RCOR3: variants seen among roughly 807,000 people sequenced by gnomAD.
RCOR3 encodes the protein REST corepressor 3.
A neutral mutation model predicts 64.1 loss-of-function variants in RCOR3; 13 were observed. The observed-to-expected ratio is 0.20, with a 90% CI of 0.13 to 0.32. RCOR3 has a LOEUF of 0.32. Among genes scored for constraint, RCOR3 ranks in the 10% least tolerant of loss-of-function variants. The probability of loss-of-function intolerance (pLI) is 1.00; values close to 1 mark genes in which losing one functional copy is unlikely to be tolerated. For synonymous variants in RCOR3, 215 were observed against 239.0 expected, an observed-to-expected ratio of 0.90 and a Z score of 0.93; for missense variants, 489 against 701.2, an observed-to-expected ratio of 0.70 and a Z score of 3.42.
In RCOR3 at chr1:211,289,266, G is replaced by A. The variant is rs1207482318; in HGVS notation, c.809G>A (p.Arg270His). The change falls in exon 8 of 12, where the codon CGT becomes CAT. Residue 270 changes from arginine (R) to histidine (H), a missense_variant. Around this residue, in one of 2 missense-constraint regions of RCOR3, gnomAD observed 402 missense variants for 617.0 expected, o/e 0.65. Transcript: ENST00000419091. Reference protein sequence around the residue: ...QSLQHRHHSQRSKCRPPKGMY... With the variant: ...QSLQHRHHSQHSKCRPPKGMY... ...TTACAACATCGCCATCATTCTCAGC[G>A]TTCTAAGTGCCGTCCACCTAAGGGC... 11 of 1,613,934 alleles carry A rather than the reference G, an allele frequency of 6.8e-6. No homozygotes were observed. The highest frequency in any genetic ancestry group is 4.5e-5 in the East Asian group (2 of 44,892).
chr1:211,263,270 CATT>C (rs1041789090), intron 2 of RCOR3, among the ~76,000 whole-genome samples: 2 of 151,822 alleles, frequency 1.3e-5, no homozygotes, highest in Non-Finnish European at 2.9e-5. Flanking sequence ...TCCAGTCTAT[CATT>C]GTTGGACATT....
At chr1:211,296,988 T>A (rs930780759) in intron 9 of RCOR3, among the ~76,000 whole-genome samples, 1 of 152,034 alleles carries the variant, frequency 6.6e-6, no homozygotes, top group Non-Finnish European at 1.5e-5. Flanking sequence ...TACTAGTAAG[T>A]GTGAAAAATA....
rs1182372991 is a variant in RCOR3 at position 211,279,414 on chromosome 1, C to T, written c.720+98C>T. ...TTAAGAAAAACTTTTTAATGTAATG[C>T]TTTATGAGATAGTAAATTTCAGTGT... On this transcript the variant is annotated intron_variant, in intron 7 of 11. Transcript: ENST00000419091. The T allele has an allele frequency of 5.1e-6, 4 of 786,216 alleles. No individual in the cohort carries two copies. The Admixed American group carries it at 7.4e-5, about 15-fold the overall frequency. The allele number at this position is 786,216 out of a possible 1,614,324, so 48.7% of individuals were successfully genotyped here.
At chr1:211,281,445 G>A (rs151208636) in intron 7 of RCOR3, among the ~76,000 whole-genome samples, 42 of 151,892 alleles carry the variant, frequency 2.8e-4, no homozygotes, top group East Asian at 5.8e-4. Flanking sequence ...GATTATCTCC[G>A]TGCCTCCCTT....
chr1:211,282,623 C>T (rs762708443), intron 7 of RCOR3, among the ~76,000 whole-genome samples: 16 of 151,934 alleles, frequency 1.1e-4, no homozygotes, highest in East Asian at 1.9e-4. Context: ...CTCAGCCTCC[C>T]GAGTAGCTGG....
Position 211,312,969 on chromosome 1 carries a change from T to G in RCOR3, c.1317+8T>G, listed in dbSNP as rs1254655062. 6.2e-7 allele frequency: 1 copy of G among 1,614,130 alleles called. No individual in the cohort carries two copies. The highest frequency in any genetic ancestry group is 8.5e-7 in the Non-Finnish European group (1 of 1,180,010). On this transcript the variant is annotated splice_region_variant and intron_variant, in intron 11 of 11. Coordinates refer to ENST00000419091, the MANE Select transcript of RCOR3 (RefSeq NM_001136223.3). The surrounding 1 kb of genome is among the most constrained non-coding windows in gnomAD (Gnocchi z 5.0). ...ACTGATGAAGAAGAGGAGGTGTGTT[T>G]GTGTATGGAATTTGAGCTAATATGA...
chr1:211,259,849 C>T (rs1038514100), intron 1 of RCOR3, 123 bp downstream of exon 1: 7 of 1,112,274 alleles, frequency 6.3e-6, no homozygotes, highest in Admixed American at 3.3e-5. Context: ...CTGCGGTAGC[C>T]TCGAACTCCC....
At chr1:211,268,103 G>A (rs1051058296) in intron 2 of RCOR3, among the ~76,000 whole-genome samples, 2 of 152,090 alleles carry the variant, frequency 1.3e-5, no homozygotes, top group African/African-American at 4.8e-5. Context: ...CTATTAAGTA[G>A]GATTTAAATG....
At chr1:211,268,592 G>A (rs1695632231) in intron 2 of RCOR3, among the ~76,000 whole-genome samples, 1 of 151,820 alleles carries the variant, frequency 6.6e-6, no homozygotes, top group Admixed American at 6.6e-5. Flanking sequence ...GGTCATGCTG[G>A]TCTCGAACTC....
intron 2 of RCOR3, chr1:211,267,783 A>G (rs1695452103): frequency 6.1e-6 from 2 of 325,260 alleles, no homozygotes; most frequent in South Asian, 2.3e-5. Context: ...AGTAGAGACA[A>G]GGTCTTGCTA....
intron 2 of RCOR3, among the ~76,000 whole-genome samples, chr1:211,266,912 C>G (rs1033350553): frequency 6.6e-6 from 1 of 152,138 alleles, no homozygotes; most frequent in Non-Finnish European, 1.5e-5. Context: ...GGGTCATTTA[C>G]AGCTATTCAA....
chr1:211,280,327 G>C (rs951825966), intron 7 of RCOR3, among the ~76,000 whole-genome samples: 2 of 152,048 alleles, frequency 1.3e-5, no homozygotes, highest in Non-Finnish European at 2.9e-5. Context: ...CCTTTCCACC[G>C]TGGTATATTA....
intron 3 of RCOR3, among the ~76,000 whole-genome samples, chr1:211,272,253 G>A (rs1226103023): frequency 6.6e-6 from 1 of 152,162 alleles, no homozygotes; most frequent in Non-Finnish European, 1.5e-5. Flanking sequence ...TATTCATCTG[G>A]CCTGAGACTG....
intron 2 of RCOR3, among the ~76,000 whole-genome samples, chr1:211,262,023 G>A (rs1293357530): frequency 1.6e-5 from 2 of 122,012 alleles, no homozygotes; most frequent in African/African-American, 5.9e-5. Context: ...AGTATTCCTA[G>A]CTATAAAAAC....
rs570045011 is a variant in RCOR3 at position 211,270,722 on chromosome 1, G to C, written c.224-510G>C. On this transcript the variant is annotated intron_variant, in intron 2 of 11. Transcript: ENST00000419091. ...GTTTAAAAGGGATAAACCGGCATTTGCAAAATTTCCTTAGTTTTTATAAGC... is the reference window on the plus strand; with the variant it reads ...GTTTAAAAGGGATAAACCGGCATTTCCAAAATTTCCTTAGTTTTTATAAGC... Among the ~76,000 whole-genome samples, 29 of 152,242 alleles carry C rather than the reference G, an allele frequency of 1.9e-4. No individual in the cohort carries two copies. The South Asian group carries it at 3.1e-3, about 16-fold the overall frequency.
intron 2 of RCOR3, among the ~76,000 whole-genome samples, chr1:211,267,011 T>TA (rs1695320696): frequency 6.6e-6 from 1 of 152,212 alleles, no homozygotes; most frequent in Admixed American, 6.5e-5. Context: ...TTGTAGTTGA[T>TA]AAGGTGAGAA....
At position 211,314,114 on chromosome 1, in the gene RCOR3, C is replaced by T. The variant is rs1234921424; in HGVS notation, c.*346C>T. The T allele has an allele frequency of 5.2e-6, 1 of 192,500 alleles. No individual in the cohort carries two copies. The highest frequency in any genetic ancestry group is 1.1e-5 in the Non-Finnish European group (1 of 93,168). 11.9% of individuals were successfully genotyped at this position (192,500 alleles called of 1,614,324 possible). A position where few individuals can be genotyped will look rare whatever the true frequency, so the allele number is the denominator to read the frequency against. ...GAGGTTCTTTATATTCCTGCCTCTT[C>T]ATAGTCAAGGCTCTTAGTACAGGAA... is the stretch of plus-strand genomic sequence containing the variant. On this transcript the variant is annotated 3_prime_UTR_variant, in exon 12 of 12. Coordinates refer to ENST00000419091, the MANE Select transcript of RCOR3 (RefSeq NM_001136223.3).
chr1:211,295,837 A>C, intron 9 of RCOR3, 84 bp downstream of exon 9: 2 of 937,234 alleles, frequency 2.1e-6, no homozygotes, highest in Non-Finnish European at 3.4e-6. Context: ...TATTTTGGTC[A>C]CATGCATCAT....
chr1:211,274,248 T>C lies in RCOR3; in HGVS notation c.340T>C (p.Tyr114His). The change falls in exon 4 of 12, where the codon TAC (tyrosine) becomes CAC (histidine). Residue 114 changes from tyrosine (Y) to histidine (H), a missense_variant. By Grantham distance (83) the Tyr-to-His change is moderately conservative. Coordinates refer to ENST00000419091, the MANE Select transcript of RCOR3 (RefSeq NM_001136223.3). ...TGCAATTGCAAAGGAAAAGCATGGCTACAATGTGGAACAGGTATGTAGAGA... is the reference window on the plus strand; with the variant it reads ...TGCAATTGCAAAGGAAAAGCATGGCCACAATGTGGAACAGGTATGTAGAGA... ...YIAIAKEKHG[Y>H]NVEQALGMLF... 6.2e-7 allele frequency: 1 copy of C among 1,603,366 alleles called. No homozygotes were observed. Among genetic ancestry groups the C allele is most frequent in the Non-Finnish European group, 8.5e-7 (1 of 1,170,902 alleles).
Sources: gnomAD v4.1 joint callset for allele counts (sites outside exome capture counted in the v4.1 genomes callset) on GRCh38, gnomAD v4.1.1 for gene constraint, gnomAD v4.1.1 regional missense constraint, Gnocchi (gnomAD v3.1) non-coding constraint, MANE v1.5 for transcripts, NCBI Gene and HGNC (gene_info 2026-07-23, HGNC 2026-07-21) for gene names.